SETD5: variants seen among roughly 807,000 people sequenced by gnomAD.
SETD5 encodes SET domain containing 5.
In SETD5, 44 loss-of-function variants were observed where a neutral mutation model predicts 153.3. The observed-to-expected ratio is 0.29, with a 90% CI of 0.23 to 0.37. SETD5 has a LOEUF of 0.37. SETD5 is among the 10% of genes least tolerant of loss of function. The pLI is 1.00. For synonymous variants in SETD5, 716 were observed against 645.2 expected (o/e 1.11, Z -1.66); for missense variants, 1,544 against 1,768.0 (o/e 0.87, Z 2.27).
In SETD5 at chr3:9,433,946, A is replaced by G. The variant is rs1250014782; in HGVS notation, c.173A>G (p.Tyr58Cys). ...TQRHGCRGLP[Y>C]ATIIPRSDLN... ...AGGCATGGGTGTCGAGGACTGCCTT[A>G]TGCTGTGAGTATGCATTTGTTTCTC... The change falls in exon 4 of 23, where the codon TAT becomes TGT. Residue 58 changes from tyrosine (Y) to cysteine (C), a missense_variant. Tyr to Cys is a radical substitution (Grantham distance 194). Transcript: ENST00000402198. 1.2e-6 allele frequency: 2 copies of G among 1,613,862 alleles called. No individual in the cohort carries two copies. The highest frequency in any genetic ancestry group is 3.3e-5 in the Admixed American group (2 of 60,034).
At chr3:9,428,563 G>T (rs2039589638) in intron 2 of SETD5, among the ~76,000 whole-genome samples, 1 of 152,184 alleles carries the variant, frequency 6.6e-6, no homozygotes, top group African/African-American at 2.4e-5. Flanking sequence ...GTGTTGGTTA[G>T]TGAGATAGGC....
intron 7 of SETD5, among the ~76,000 whole-genome samples, chr3:9,437,476 G>C (rs980878709): frequency 6.6e-6 from 1 of 150,962 alleles, no homozygotes; most frequent in African/African-American, 2.5e-5. Flanking sequence ...ATTAAAAATA[G>C]CTTGCCAAAA....
At chr3:9,461,794 T>G (rs2043983267) in intron 17 of SETD5, among the ~76,000 whole-genome samples, 1 of 152,222 alleles carries the variant, frequency 6.6e-6, no homozygotes, top group Non-Finnish European at 1.5e-5. Context: ...TAATTGACTT[T>G]GATAGTTATA....
rs1324737918 is a variant in SETD5 at position 9,434,549 on chromosome 3, G to A, written c.329+64G>A. 1 of 1,603,848 alleles carries A rather than the reference G, an allele frequency of 6.2e-7. No homozygotes were observed. The highest frequency in any genetic ancestry group is 8.5e-7 in the Non-Finnish European group (1 of 1,174,616). On this transcript the variant is annotated intron_variant, in intron 5 of 22. Coordinates refer to ENST00000402198, the MANE Select transcript of SETD5 (RefSeq NM_001080517.3). This position sits in a 1 kb window ranked among gnomAD's most constrained non-coding sequence, Gnocchi z 5.6. ...TGGGATTAGGGTTTCTTACAAGTAG[G>A]GAAAAGCTCAAAGTATTCTTTCTTG... is the stretch of plus-strand genomic sequence containing the variant.
intron 1 of SETD5, among the ~76,000 whole-genome samples, chr3:9,408,056 C>G (rs1402496247): frequency 1.3e-5 from 2 of 151,946 alleles, no homozygotes; most frequent in Non-Finnish European, 2.9e-5. Context: ...TTCCTTGGGA[C>G]AGTCCTGGTT....
chr3:9,448,442 G>A lies in SETD5; in HGVS notation c.2158G>A (p.Glu720Lys). ...AGCAGAGAAGCAAGAGTGCCCTGTT[G>A]AGTGCCCTTTACGTATCACAACGGA... ...DKAEKQECPVECPLRITTDPT... is the reference protein window; with the variant it reads ...DKAEKQECPVKCPLRITTDPT... Residue 720 changes from glutamate to lysine, a missense_variant, in exon 16 of 23, where the codon GAG becomes AAG. Glu to Lys is a moderately conservative substitution (Grantham distance 56). Transcript: ENST00000402198. 6.2e-7 allele frequency: 1 copy of A among 1,613,982 alleles called. No homozygotes were observed. Among genetic ancestry groups the A allele is most frequent in the South Asian group, 1.1e-5 (1 of 91,074 alleles).
At chr3:9,462,682 T>C (rs1299266718) in intron 17 of SETD5, among the ~76,000 whole-genome samples, 1 of 150,868 alleles carries the variant, frequency 6.6e-6, no homozygotes, top group Non-Finnish European at 1.5e-5. Flanking sequence ...CTCAGGTGGG[T>C]GGATCACTTG....
chr3:9,425,217 G>A (rs558831303), intron 2 of SETD5, among the ~76,000 whole-genome samples: 8 of 150,768 alleles, frequency 5.3e-5, no homozygotes, highest in Admixed American at 3.3e-4. Flanking sequence ...GTCCGCCATC[G>A]TGCCCGGCTA....
intron 2 of SETD5, among the ~76,000 whole-genome samples, chr3:9,426,819 T>A (rs1022868269): frequency 6.6e-6 from 1 of 152,188 alleles, no homozygotes; most frequent in Non-Finnish European, 1.5e-5. Flanking sequence ...ATGACAGGAA[T>A]GAGCCACTTC....
rs2033916803 is a variant in SETD5 at position 9,397,792 on chromosome 3, C to G, written c.-362C>G. On this transcript the variant is annotated 5_prime_UTR_variant, in exon 1 of 23. Transcript: ENST00000402198. The stretch of plus-strand genomic sequence containing the variant: ...GTGCCGGCCCCCCTCTTTCCCTGGC[C>G]CTGCCCCCCCTCCCCGCCTTTGGCT... 2.0e-5 allele frequency: 3 copies of G among 150,514 alleles called. No individual in the cohort carries two copies. In the South Asian group the frequency reaches 5.4e-4, roughly 27 times the overall value. The allele number at this position is 150,514 out of a possible 1,614,324, so 9.3% of individuals were successfully genotyped here.
intron 7 of SETD5, among the ~76,000 whole-genome samples, chr3:9,436,590 G>A (rs1169330585): frequency 6.6e-6 from 1 of 152,040 alleles, no homozygotes; most frequent in Non-Finnish European, 1.5e-5. Context: ...GGTGCATATA[G>A]GATTTAAGAG....
chr3:9,398,776 G>T (rs779179814), intron 1 of SETD5, among the ~76,000 whole-genome samples: 1 of 152,216 alleles, frequency 6.6e-6, no homozygotes, highest in Non-Finnish European at 1.5e-5. Flanking sequence ...CCTGGTTCAA[G>T]TAGGTAAATC....
In SETD5 at chr3:9,476,110, A is replaced by G. The variant is rs773789004; in HGVS notation, c.*19A>G. 14 of 1,607,112 alleles carry G rather than the reference A, an allele frequency of 8.7e-6. No homozygotes were observed. The African/African-American group carries it at 1.5e-4, about 17-fold the overall frequency. Reference sequence around the variant, plus strand: ...TTCCTAGGGCTTCTGGATTTGGGCAAACAGAACTGAATGAGCCCATAGCTG... The same window carrying G: ...TTCCTAGGGCTTCTGGATTTGGGCAGACAGAACTGAATGAGCCCATAGCTG... On this transcript the variant is annotated 3_prime_UTR_variant, in exon 23 of 23. Coordinates refer to ENST00000402198, the MANE Select transcript of SETD5 (RefSeq NM_001080517.3).
chr3:9,432,479 T>C (rs1471068986), intron 3 of SETD5, among the ~76,000 whole-genome samples: 1 of 152,214 alleles, frequency 6.6e-6, no homozygotes, highest in African/African-American at 2.4e-5. Flanking sequence ...ACAATATGCA[T>C]TATTTGACTC....
chr3:9,416,426 G>T (rs895247999), intron 1 of SETD5, among the ~76,000 whole-genome samples: 1 of 152,008 alleles, frequency 6.6e-6, no homozygotes, highest in African/African-American at 2.4e-5. Context: ...CGCAGCTGTG[G>T]GTCATGTATG....
rs1307178533 is a variant in SETD5 at position 9,475,578 on chromosome 3, C to T, written c.3816C>T (p.Tyr1272=). ...FRGHPTQSPG[Y]SYRTTALRPG... ...GACATCCTACACAGTCTCCAGGATA[C>T]AGTTATCGAACTACTGCACTGAGAC... Residue 1272 remains tyrosine, a synonymous_variant, in exon 23 of 23, where the codon TAC becomes TAT. Coordinates refer to ENST00000402198, the MANE Select transcript of SETD5 (RefSeq NM_001080517.3). 1 of 1,613,954 alleles carries T rather than the reference C, an allele frequency of 6.2e-7. No homozygotes were observed. Among genetic ancestry groups the T allele is most frequent in the Non-Finnish European group, 8.5e-7 (1 of 1,179,886 alleles).
chr3:9,408,801 T>G (rs1391849048), intron 1 of SETD5, among the ~76,000 whole-genome samples: 1 of 152,178 alleles, frequency 6.6e-6, no homozygotes, highest in Non-Finnish European at 1.5e-5. Flanking sequence ...CTGGAAGAGC[T>G]TTTGTTTGTG....
chr3:9,466,265 GCAA>G (rs1251281186), intron 18 of SETD5, among the ~76,000 whole-genome samples: 1 of 140,122 alleles, frequency 7.1e-6, no homozygotes, highest in Admixed American at 7.5e-5. Context: ...TCCAGCCTGG[GCAA>G]CAGAGCAAGA....
chr3:9,454,895 ACAAT>A (rs1022435800), intron 17 of SETD5, among the ~76,000 whole-genome samples: 71 of 152,140 alleles, frequency 4.7e-4, no homozygotes, highest in African/African-American at 1.6e-3. Flanking sequence ...TAAATATTAG[ACAAT>A]CAAAATACCA....
Sources: gnomAD v4.1 joint callset for allele counts (sites outside exome capture counted in the v4.1 genomes callset) on GRCh38, gnomAD v4.1.1 for gene constraint, Gnocchi (gnomAD v3.1) non-coding constraint, MANE v1.5 for transcripts, NCBI Gene and HGNC (gene_info 2026-07-23, HGNC 2026-07-21) for gene names.